PUS10: variants seen among roughly 807,000 people sequenced by gnomAD.
The protein encoded by PUS10 is pseudouridine synthase 10, also known as tRNA pseudouridine synthase Pus10.
A neutral mutation model predicts 75.0 loss-of-function variants in PUS10; 59 were observed. That is an observed-to-expected ratio of 0.79 (90% CI 0.64 to 0.98). The LOEUF (loss-of-function observed/expected upper bound fraction) is 0.98. PUS10 is among the 50% of genes least tolerant of loss of function. The pLI is 0.00. For synonymous variants in PUS10, 219 were observed against 211.6 expected (o/e 1.03, Z -0.30); for missense variants, 650 against 614.4 (o/e 1.06, Z -0.61).
At chr2:61,010,671 C>T in intron 2 of PUS10, 1 of 1,136,748 alleles carries the variant, frequency 8.8e-7, no homozygotes, top group South Asian at 1.5e-5. Flanking sequence ...TAGGTATTGT[C>T]CCTTAAAGTC....
At chr2:61,003,232 C>T (rs1296132216) in intron 4 of PUS10, among the ~76,000 whole-genome samples, 13 of 152,174 alleles carry the variant, frequency 8.5e-5, no homozygotes, top group South Asian at 2.1e-4. Context: ...GAGGCCGAGG[C>T]GGGCAGATCA....
chr2:61,011,219 T>C (rs1057185217), intron 2 of PUS10, among the ~76,000 whole-genome samples: 3 of 152,314 alleles, frequency 2.0e-5, no homozygotes, highest in African/African-American at 7.2e-5. Flanking sequence ...AAAAGTGTTA[T>C]ATTAAACCTC....
intron 4 of PUS10, among the ~76,000 whole-genome samples, chr2:60,989,950 T>C (rs1290668088): frequency 6.6e-6 from 1 of 152,066 alleles, no homozygotes; most frequent in Non-Finnish European, 1.5e-5. Flanking sequence ...TCTGTACTCT[T>C]CAATATGACC....
intron 11 of PUS10, among the ~76,000 whole-genome samples, chr2:60,959,177 T>C (rs1675858376): frequency 6.6e-6 from 1 of 152,224 alleles, no homozygotes; most frequent in African/African-American, 2.4e-5. Context: ...GCCTGAACTT[T>C]ATTCCAGGAC....
At chr2:60,953,156 A>C (rs1452114465) in intron 14 of PUS10, 42 bp from the exon 15 acceptor site, 1 of 1,097,158 alleles carries the variant, frequency 9.1e-7, no homozygotes, top group African/African-American at 1.6e-5. Flanking sequence ...AAATAAACAA[A>C]ATACAAAAAA....
intron 2 of PUS10, 127 bp from the exon 3 acceptor site, chr2:61,009,142 T>C: frequency 1.3e-6 from 1 of 799,882 alleles, no homozygotes; most frequent in Non-Finnish European, 1.9e-6. Flanking sequence ...TGTTGACATA[T>C]CAATTCTGAA....
At chr2:61,001,497 G>A (rs966318236) in intron 4 of PUS10, among the ~76,000 whole-genome samples, 3 of 152,048 alleles carry the variant, frequency 2.0e-5, no homozygotes, top group African/African-American at 4.8e-5. Flanking sequence ...GGCTGGTCTC[G>A]AACTCCTGAC....
chr2:61,017,952 C>CT, intron 1 of PUS10, 56 bp downstream of exon 1: 1 of 1,379,346 alleles, frequency 7.2e-7, no homozygotes, highest in Non-Finnish European at 1.0e-6. Context: ...CCCTTCCCCC[C>CT]TTTAACCAAT....
At chr2:60,977,791 C>T (rs1677126309) in intron 4 of PUS10, among the ~76,000 whole-genome samples, 1 of 152,078 alleles carries the variant, frequency 6.6e-6, no homozygotes, top group Non-Finnish European at 1.5e-5. Context: ...CTCTGCTTCT[C>T]TTATGTGATC....
chr2:60,977,263 CAGAG>C (rs894379221), intron 4 of PUS10, among the ~76,000 whole-genome samples: 1 of 151,962 alleles, frequency 6.6e-6, no homozygotes, highest in Non-Finnish European at 1.5e-5. Flanking sequence ...AGGATAGAGA[CAGAG>C]AGAGGTGTTA....
At chr2:60,953,495 C>T (rs779268574) in intron 14 of PUS10, among the ~76,000 whole-genome samples, 4 of 152,184 alleles carry the variant, frequency 2.6e-5, no homozygotes, top group Admixed American at 6.5e-5. Flanking sequence ...TCAAGGCTCA[C>T]CCAGCTTGCA....
At chr2:60,948,993 G>A (rs1439742244) in intron 15 of PUS10, among the ~76,000 whole-genome samples, 4 of 152,070 alleles carry the variant, frequency 2.6e-5, no homozygotes, top group Non-Finnish European at 5.9e-5. Flanking sequence ...AGTGCCGGAA[G>A]GCCTGCTAAG....
chr2:60,945,122 A>G lies in PUS10; in HGVS notation c.1452-14T>C. ...TCTTTAATGTAGCTGGGGTTTGTTT[A>G]AGGAAAAAATGAAGACAGCATGCTG... On this transcript the variant is annotated splice_polypyrimidine_tract_variant and intron_variant, in intron 16 of 17. Transcript: ENST00000316752. 1 of 1,585,398 alleles carries G rather than the reference A, an allele frequency of 6.3e-7. No homozygotes were observed. Among genetic ancestry groups the G allele is most frequent in the Non-Finnish European group, 8.7e-7 (1 of 1,153,872 alleles).
chr2:61,007,251 G>C (rs1419572691), intron 3 of PUS10, among the ~76,000 whole-genome samples: 7 of 150,584 alleles, frequency 4.6e-5, no homozygotes, highest in Non-Finnish European at 3.0e-5. Context: ...ATATTTTAAT[G>C]ATCCAATTGT....
At chr2:60,979,485 C>A (rs1043385168) in intron 4 of PUS10, among the ~76,000 whole-genome samples, 1 of 152,122 alleles carries the variant, frequency 6.6e-6, no homozygotes, top group African/African-American at 2.4e-5. Flanking sequence ...TTCCTATAAC[C>A]ACTGTTTGAT....
chr2:61,010,801 T>C (rs1274791579), intron 2 of PUS10: 8 of 1,550,308 alleles, frequency 5.2e-6, no homozygotes, highest in Non-Finnish European at 7.0e-6. Context: ...TTGAATTCAG[T>C]CAGACTGTTC....
rs1674651620 is a variant in PUS10, at chr2:60,942,049, C to G, written c.*346G>C. 1 of 208,484 alleles carries G rather than the reference C, an allele frequency of 4.8e-6. No individual in the cohort carries two copies. Among genetic ancestry groups the G allele is most frequent in the Admixed American group, 5.8e-5 (1 of 17,310 alleles). The allele number at this position is 208,484 out of a possible 1,614,324, so 12.9% of individuals were successfully genotyped here. A position where few individuals can be genotyped will look rare whatever the true frequency, so the allele number is the denominator to read the frequency against. ...TGGTATATCTCTTGTGGAGGGAAAT[C>G]TTGCTGAAATTACAGCTTCTTAGGT... On this transcript the variant is annotated 3_prime_UTR_variant, in exon 18 of 18. Transcript: ENST00000316752.
chr2:60,979,345 T>C (rs13387149), intron 4 of PUS10, among the ~76,000 whole-genome samples: 105 of 152,248 alleles, frequency 6.9e-4, no homozygotes, highest in African/African-American at 2.4e-3. Context: ...AAGCTTCTGC[T>C]CCATCAGGGC....
chr2:60,984,112 C>T (rs1352940981), intron 4 of PUS10, among the ~76,000 whole-genome samples: 1 of 152,004 alleles, frequency 6.6e-6, no homozygotes, highest in African/African-American at 2.4e-5. Context: ...TGAAAAAGTA[C>T]AGATAAATTT....
Sources: gnomAD v4.1 joint callset for allele counts (sites outside exome capture counted in the v4.1 genomes callset) on GRCh38, gnomAD v4.1.1 for gene constraint, MANE v1.5 for transcripts, NCBI Gene and HGNC (gene_info 2026-07-23, HGNC 2026-07-21) for gene names.